The following ADAP1 variants were observed in gnomAD, a reference collection of about 807,000 sequenced individuals.
ADAP1 encodes ArfGAP with dual PH domains 1, also known as arf-GAP with dual PH domain-containing protein 1.
ADAP1 carries 31 observed loss-of-function variants against 54.9 expected under a neutral mutation model. The observed-to-expected ratio is 0.56, with a 90% confidence interval of 0.42 to 0.76. ADAP1 has a LOEUF of 0.76. Among genes scored for constraint, ADAP1 ranks in the 30% least tolerant of loss-of-function variants. The pLI, the probability that ADAP1 is intolerant of heterozygous loss-of-function variation, is 0.00. For synonymous variants in ADAP1, 313 were observed against 202.6 expected, an observed-to-expected ratio of 1.55 and a Z score of -4.63; for missense variants, 535 against 512.4, an observed-to-expected ratio of 1.04 and a Z score of -0.42.
rs938514666 is a variant in ADAP1 at position 926,671 on chromosome 7, A to G, written c.214-27T>C. ...TGCAAGAGAGGAGGGGCCGGGTCAGAGGCCTGGGGTCCCAGGGGCAGCCTA... is the reference window on the plus strand; with the variant it reads ...TGCAAGAGAGGAGGGGCCGGGTCAGGGGCCTGGGGTCCCAGGGGCAGCCTA... On this transcript the variant is annotated intron_variant, in intron 2 of 10. Transcript: ENST00000265846. This position sits in a 1 kb window ranked among gnomAD's most constrained non-coding sequence, Gnocchi z 4.6. The G allele has an allele frequency of 5.0e-5, 76 of 1,521,740 alleles. No individual in the cohort carries two copies. The highest frequency in any genetic ancestry group is 6.3e-5 in the Non-Finnish European group (71 of 1,133,084). The allele number at this position is 1,521,740 out of a possible 1,614,324, so 94.3% of individuals were successfully genotyped here.
intron 1 of ADAP1, among the ~76,000 whole-genome samples, chr7:937,084 TG>T: frequency 9.0e-6 from 1 of 111,138 alleles, no homozygotes; most frequent in Non-Finnish European, 1.9e-5. Flanking sequence ...CTCTGGGATT[TG>T]GGGGTCACGC....
chr7:919,955 C>T lies in ADAP1; in HGVS notation c.388+13G>A, dbSNP rs749390189. 10 of 1,595,552 alleles carry T rather than the reference C, an allele frequency of 6.3e-6. 1 individual carries two copies. The highest frequency in any genetic ancestry group is 1.4e-5 in the African/African-American group (1 of 73,316). On this transcript the variant is annotated intron_variant, in intron 4 of 10. Transcript: ENST00000265846. ...GGTAGCCGGGAGGCCCCACCCCACCCGGGTGGCCTCACCTGCCGAGTAGGG... is the reference window on the plus strand; with the variant it reads ...GGTAGCCGGGAGGCCCCACCCCACCTGGGTGGCCTCACCTGCCGAGTAGGG...
chr7:921,585 G>A (rs1373116338), intron 3 of ADAP1, among the ~76,000 whole-genome samples: 1 of 152,222 alleles, frequency 6.6e-6, no homozygotes, highest in Non-Finnish European at 1.5e-5. Flanking sequence ...ACAGGGCTGC[G>A]ATTACAGGTG....
chr7:954,444 G>A lies in ADAP1; in HGVS notation c.34C>T (p.Leu12=). 6.3e-6 allele frequency: 7 copies of A among 1,119,422 alleles called. No homozygotes were observed. Among genetic ancestry groups the A allele is most frequent in the Non-Finnish European group, 7.7e-6 (7 of 907,530 alleles). The allele number at this position is 1,119,422 out of a possible 1,614,324, so 69.3% of individuals were successfully genotyped here. ...CGCGCGTTCCCCGGCCGCTGCAGCA[G>A]CTCCAGGACCGCCCTGCGCCGCTCC... ...AKERRRAVLE[L]LQRPGNARCA... Residue 12 remains leucine, a synonymous_variant, in exon 1 of 11, where the codon CTG becomes TTG. Transcript: ENST00000265846.
Position 926,776 on chromosome 7 carries a change from C to T in ADAP1, c.214-132G>A, listed in dbSNP as rs58061645. The T allele has an allele frequency of 4.3e-5, 34 of 788,340 alleles. No homozygotes were observed. Among genetic ancestry groups the T allele is most frequent in the Middle Eastern group, 3.7e-4 (1 of 2,728 alleles). 48.8% of individuals were successfully genotyped at this position (788,340 alleles called of 1,614,324 possible). ...TCTGAGGGCTCCACCAGCACCAGGA[C>T]GGGAACGCCACCTCCTCCTGCCCCA... On this transcript the variant is annotated intron_variant, in intron 2 of 10. Transcript: ENST00000265846. This position sits in a 1 kb window ranked among gnomAD's most constrained non-coding sequence, Gnocchi z 4.6.
chr7:905,450 AGAAAGGGAAAGGAGAAAGGAGAAAGG>A (rs1845134141), intron 4 of ADAP1: 1 of 109,698 alleles, frequency 9.1e-6, no homozygotes, highest in Non-Finnish European at 1.6e-5. Flanking sequence ...GGAGAAAGGG[AGAAAGGGAAAGGAGAAAGGAGAAAGG>A]GAAAGGAGAA....
intron 3 of ADAP1, among the ~76,000 whole-genome samples, chr7:925,360 T>C (rs1436901079): frequency 4.1e-5 from 3 of 73,452 alleles, no homozygotes; most frequent in African/African-American, 1.8e-4. Flanking sequence ...GTCTCTATAT[T>C]TAAAAAAAAA....
intron 1 of ADAP1, among the ~76,000 whole-genome samples, chr7:947,374 G>C (rs1053584507): frequency 1.3e-5 from 2 of 151,802 alleles, no homozygotes; most frequent in Non-Finnish European, 2.9e-5. Flanking sequence ...TTTAAAAAAG[G>C]AGAGAGAGAG....
At position 935,138 on chromosome 7, in the gene ADAP1, C is replaced by G. The variant is rs1337369133; in HGVS notation, c.213+237G>C. 3 of 670,472 alleles carry G rather than the reference C, an allele frequency of 4.5e-6. No homozygotes were observed. The East Asian group carries it at 9.4e-5, about 21-fold the overall frequency. The allele number at this position is 670,472 out of a possible 1,614,324, so 41.5% of individuals were successfully genotyped here. A position where few individuals can be genotyped will look rare whatever the true frequency, so the allele number is the denominator to read the frequency against. On this transcript the variant is annotated intron_variant, in intron 2 of 10. Transcript: ENST00000265846. ...GACCCGCCTTCGCTCCCTGGCCCAC[C>G]ACACACACCTGGAGCTGCTCACAGA...
intron 2 of ADAP1, among the ~76,000 whole-genome samples, chr7:930,481 G>T (rs10480061): frequency 0.046 from 4,937 of 106,896 alleles, no homozygotes; most frequent in South Asian, 0.076. Context: ...TTTGAGACCA[G>T]CCTGGCCAAC....
intron 2 of ADAP1, among the ~76,000 whole-genome samples, chr7:933,066 G>A (rs1265151280): frequency 6.6e-6 from 1 of 152,106 alleles, no homozygotes; most frequent in African/African-American, 2.4e-5. Flanking sequence ...GCGGTCAGGA[G>A]TTCAAGACCA....
chr7:902,475 A>AAAATGCCTG (rs1491159593), intron 6 of ADAP1, among the ~76,000 whole-genome samples: 16 of 142,244 alleles, frequency 1.1e-4, no homozygotes, highest in Non-Finnish European at 1.8e-4. Context: ...AAAAAAAGAA[A>AAAATGCCTG]GAAAAGAAAG....
At chr7:903,987 C>T in intron 6 of ADAP1, 139 bp downstream of exon 6, 1 of 1,188,968 alleles carries the variant, frequency 8.4e-7, no homozygotes, top group Non-Finnish European at 1.1e-6. Flanking sequence ...GCTGCCCAGC[C>T]CGACTTCCCG....
intron 6 of ADAP1, among the ~76,000 whole-genome samples, chr7:902,068 G>T (rs888152749): frequency 6.6e-6 from 1 of 152,090 alleles, no homozygotes; most frequent in Non-Finnish European, 1.5e-5. Flanking sequence ...ACAGCTGGGG[G>T]CCAAGCGTCT....
intron 7 of ADAP1, 99 bp from the exon 8 acceptor site, chr7:900,263 C>G: frequency 6.9e-7 from 1 of 1,440,148 alleles, no homozygotes; most frequent in South Asian, 1.2e-5. Flanking sequence ...CCCGGGCCAC[C>G]AGGTCAGGGC....
intron 4 of ADAP1, among the ~76,000 whole-genome samples, chr7:906,682 GGAC>G (rs1845414699): frequency 3.3e-5 from 3 of 90,122 alleles, no homozygotes; most frequent in Non-Finnish European, 6.2e-5. Context: ...CATGGACAGG[GGAC>G]ACGGGGGACA....
At chr7:911,002 G>A (rs923078559) in intron 4 of ADAP1, among the ~76,000 whole-genome samples, 3 of 152,134 alleles carry the variant, frequency 2.0e-5, no homozygotes, top group African/African-American at 7.2e-5. Flanking sequence ...ACAGGGCTCC[G>A]TCTCTCCCTG....
intron 4 of ADAP1, among the ~76,000 whole-genome samples, chr7:910,137 G>A (rs1296036736): frequency 6.6e-6 from 1 of 152,204 alleles, no homozygotes; most frequent in South Asian, 2.1e-4. Context: ...GATGTAAGGT[G>A]CCCCAGTCCC....
chr7:898,465 C>A lies in ADAP1; in HGVS notation c.*456G>T, dbSNP rs555365555. On this transcript the variant is annotated 3_prime_UTR_variant, in exon 11 of 11. Transcript: ENST00000265846. ...ACACAACAGGCGCTCAATAAATAGT[C>A]GTGGAGGTGGGGGGAGGGCGGGGCG... 4.1e-6 allele frequency: 1 copy of A among 244,416 alleles called. No individual in the cohort carries two copies. Among genetic ancestry groups the A allele is most frequent in the African/African-American group, 2.3e-5 (1 of 44,342 alleles). 15.1% of individuals were successfully genotyped at this position (244,416 alleles called of 1,614,324 possible).
Sources: allele counts gnomAD v4.1 joint callset (sites outside exome capture counted in the v4.1 genomes callset), GRCh38; gene constraint gnomAD v4.1.1; non-coding constraint Gnocchi (gnomAD v3.1); transcripts MANE v1.5; gene names NCBI Gene and HGNC (gene_info 2026-07-23, HGNC 2026-07-21).